Variants in BID observed in about 807,000 individuals in gnomAD.
BID encodes BH3 interacting domain death agonist, also known as BH3-interacting domain death agonist.
In BID, 19 loss-of-function variants were observed where a neutral mutation model predicts 17.4. The observed-to-expected ratio is 1.09, with a 90% CI of 0.76 to 1.60. BID has a LOEUF of 1.60. Among genes scored for constraint, BID ranks in the 40% most tolerant of loss-of-function variants. BID has a pLI of 0.00. For synonymous variants in BID, 108 were observed against 102.8 expected (o/e 1.05, Z -0.31); for missense variants, 226 against 256.0 (o/e 0.88, Z 0.80).
chr22:17,755,288 C>T (rs1404651092), intron 1 of BID, among the ~76,000 whole-genome samples: 1 of 152,068 alleles, frequency 6.6e-6, no homozygotes, highest in Non-Finnish European at 1.5e-5. Context: ...CGTCGATCCA[C>T]CCACCAAACT....
At chr22:17,752,964 CTTT>C (rs34597946) in intron 1 of BID, among the ~76,000 whole-genome samples, 3 of 85,182 alleles carry the variant, frequency 3.5e-5, no homozygotes, top group Non-Finnish European at 6.5e-5. Context: ...CGCGCCCAGT[CTTT>C]TTTTTTTTTT....
Position 17,751,298 on chromosome 22 carries a change from G to A in BID, c.-58-1124C>T, listed in dbSNP as rs569791210. ...GAGGCAGGAGAATGGCGTGAACCCGGGAAGCGGAGCTTGCAGTGAGCCGAG... is the reference window on the plus strand; with the variant it reads ...GAGGCAGGAGAATGGCGTGAACCCGAGAAGCGGAGCTTGCAGTGAGCCGAG... On this transcript the variant is annotated intron_variant, in intron 1 of 5. Transcript: ENST00000622694. Among the ~76,000 whole-genome samples, 78 of 151,954 alleles carry A rather than the reference G, an allele frequency of 5.1e-4. No homozygotes were observed. The South Asian group carries it at 8.9e-3, about 17-fold the overall frequency.
rs2061408410 is a variant in BID, at chr22:17,734,811, G to T, written c.*769C>A. On this transcript the variant is annotated 3_prime_UTR_variant, in exon 6 of 6. Transcript: ENST00000622694. ...GTCTTTAGCAAAGTCTTGATGTCATGGAAAGAGAAAAAGTGTATGCAGTTA... is the reference window on the plus strand; with the variant it reads ...GTCTTTAGCAAAGTCTTGATGTCATTGAAAGAGAAAAAGTGTATGCAGTTA... 1 of 152,212 alleles carries T rather than the reference G, an allele frequency of 6.6e-6. No homozygotes were observed. Among genetic ancestry groups the T allele is most frequent in the African/African-American group, 2.4e-5 (1 of 41,448 alleles). 9.4% of individuals were successfully genotyped at this position (152,212 alleles called of 1,614,324 possible). A position where few individuals can be genotyped will look rare whatever the true frequency, so the allele number is the denominator to read the frequency against.
In BID at chr22:17,736,457, CAAAAAAA is replaced by C. The variant is rs10559377; in HGVS notation, c.577-873_577-867del. On this transcript the variant is annotated intron_variant, in intron 5 of 5. Transcript: ENST00000622694. ...GGGCAACAAGAGCAAAATTCTGTCT[CAAAAAAA>C]AAAAAAAAAAAAATTCCCAAACATT... Among the ~76,000 whole-genome samples, 30 of 136,482 alleles carry C rather than the reference CAAAAAAA, an allele frequency of 2.2e-4. 1 individual carries two copies. Among genetic ancestry groups the C allele is most frequent in the South Asian group, 1.9e-3 (8 of 4,150 alleles). The allele number at this position is 136,482 out of a possible 152,430, so 89.5% of individuals were successfully genotyped here.
intron 1 of BID, among the ~76,000 whole-genome samples, chr22:17,766,144 G>C (rs183989332): frequency 3.2e-4 from 48 of 151,926 alleles, no homozygotes; most frequent in African/African-American, 1.2e-3. Flanking sequence ...GGCTGGTATC[G>C]AGCTCCTGGA....
chr22:17,755,950 C>T (rs1208016948), intron 1 of BID, among the ~76,000 whole-genome samples: 1 of 152,114 alleles, frequency 6.6e-6, no homozygotes, highest in East Asian at 1.9e-4. Context: ...TCACTGCAAC[C>T]TCTGCCTTCT....
At chr22:17,752,295 G>T (rs1401342492) in intron 1 of BID, among the ~76,000 whole-genome samples, 1 of 152,184 alleles carries the variant, frequency 6.6e-6, no homozygotes, top group Admixed American at 6.5e-5. Context: ...TTTATGGGGG[G>T]TGTGCTCCTG....
chr22:17,763,792 G>A (rs1015776890), intron 1 of BID, among the ~76,000 whole-genome samples: 4 of 150,886 alleles, frequency 2.7e-5, no homozygotes, highest in African/African-American at 9.8e-5. Context: ...GGGTAGAAGA[G>A]GGGGAGAGAA....
At position 17,754,510 on chromosome 22, in the gene BID, C is replaced by CAAT. The variant is rs2061567119; in HGVS notation, c.-58-4337_-58-4336insATT. Among the ~76,000 whole-genome samples the CAAT allele has an allele frequency of 6.6e-5, 10 of 152,374 alleles. No individual in the cohort carries two copies. The South Asian group carries it at 1.9e-3, about 28-fold the overall frequency. On this transcript the variant is annotated intron_variant, in intron 1 of 5. Coordinates refer to ENST00000622694, the MANE Select transcript of BID (RefSeq NM_001196.4). The stretch of plus-strand genomic sequence containing the variant: ...CAGATGCCAGCTTTGCTTCTGAGGC[C>CAAT]TATGTGCCTCCCATGCACTCTGGAA...
chr22:17,774,505 C>T (rs1460389996), upstream of BID: 1 of 207,084 alleles, frequency 4.8e-6, no homozygotes, highest in African/African-American at 2.4e-5. Context: ...CGGCCCCCCA[C>T]GCCCGGGCCC....
intron 2 of BID, among the ~76,000 whole-genome samples, chr22:17,746,251 A>C (rs1351395416): frequency 6.6e-6 from 1 of 152,188 alleles, no homozygotes; most frequent in Non-Finnish European, 1.5e-5. Context: ...GAGCGCAGAA[A>C]GAGTCCCTCT....
intron 3 of BID, among the ~76,000 whole-genome samples, chr22:17,742,814 C>T (rs966864545): frequency 6.6e-6 from 1 of 152,246 alleles, no homozygotes; most frequent in Non-Finnish European, 1.5e-5. Context: ...AAGCCAGCGT[C>T]GCAGGGCTGG....
chr22:17,740,491 G>A (rs985493605), intron 3 of BID: 10 of 262,684 alleles, frequency 3.8e-5, no homozygotes, highest in African/African-American at 1.4e-4. Context: ...GTGCAGTGGC[G>A]CGATCTCGGC....
At chr22:17,751,099 G>A (rs1385361686) in intron 1 of BID, among the ~76,000 whole-genome samples, 1 of 152,054 alleles carries the variant, frequency 6.6e-6, no homozygotes, top group Non-Finnish European at 1.5e-5. Context: ...GAGGCCGGGC[G>A]CGGTGGCTCA....
At chr22:17,753,960 G>C (rs1168542495) in intron 1 of BID, among the ~76,000 whole-genome samples, 2 of 152,018 alleles carry the variant, frequency 1.3e-5, no homozygotes, top group Non-Finnish European at 2.9e-5. Context: ...TGCAGGACTG[G>C]GGTGACATTC....
intron 1 of BID, among the ~76,000 whole-genome samples, chr22:17,757,517 G>T (rs892260951): frequency 7.9e-5 from 12 of 151,554 alleles, no homozygotes. Flanking sequence ...GACCATCCTG[G>T]CTAACACGGT....
intron 1 of BID, among the ~76,000 whole-genome samples, chr22:17,758,998 C>T (rs544155280): frequency 1.3e-5 from 2 of 151,986 alleles, no homozygotes; most frequent in Admixed American, 6.6e-5. Context: ...TTTGGGAGGA[C>T]GAGGTGGGCG....
chr22:17,742,076 G>A (rs988726277), intron 3 of BID, among the ~76,000 whole-genome samples: 17 of 152,182 alleles, frequency 1.1e-4, no homozygotes, highest in Non-Finnish European at 1.5e-5. Context: ...TTCCTGATCC[G>A]TCTGTGTCCA....
chr22:17,749,973 T>C, intron 2 of BID, 132 bp downstream of exon 2: 3 of 860,330 alleles, frequency 3.5e-6, no homozygotes, highest in Admixed American at 2.5e-5. Flanking sequence ...GCGGGGTTCG[T>C]CTGTGCCGAG....
Sources: allele counts gnomAD v4.1 joint callset (sites outside exome capture counted in the v4.1 genomes callset), GRCh38; gene constraint gnomAD v4.1.1; transcripts MANE v1.5; gene names NCBI Gene and HGNC (gene_info 2026-07-23, HGNC 2026-07-21).